Variants in COBL observed in about 807,000 individuals in gnomAD.
COBL encodes the protein protein cordon-bleu.
A neutral mutation model predicts 98.8 loss-of-function variants in COBL; 51 were observed. The ratio of observed to expected loss-of-function variants is 0.52; its 90% confidence interval spans 0.41 to 0.65. COBL has a LOEUF of 0.65. Among genes scored for constraint, COBL ranks in the 30% least tolerant of loss-of-function variants. COBL has a pLI of 0.00. For synonymous variants in COBL, 634 were observed against 651.7 expected, an observed-to-expected ratio of 0.97 and a Z score of 0.41; for missense variants, 1,617 against 1,617.5, an observed-to-expected ratio of 1.00 and a Z score of 0.01.
At chr7:51,290,052 C>T (rs962294211) in intron 1 of COBL, among the ~76,000 whole-genome samples, 1 of 152,144 alleles carries the variant, frequency 6.6e-6, no homozygotes, top group Admixed American at 6.5e-5. Context: ...CAGAAATACC[C>T]CTAAGATGCT....
rs139478122 is a variant in COBL at position 51,313,738 on chromosome 7, C to T, written c.41+2855G>A. ...GGAAATTTAGCCCTGTGTTCTGTAACAGCCGACTACTGGGATGGCTCCTAT... is the reference window on the plus strand; with the variant it reads ...GGAAATTTAGCCCTGTGTTCTGTAATAGCCGACTACTGGGATGGCTCCTAT... On this transcript the variant is annotated intron_variant, in intron 1 of 12. Coordinates refer to ENST00000265136, the MANE Select transcript of COBL (RefSeq NM_015198.5). 5.8e-3 allele frequency among the ~76,000 whole-genome samples: 879 copies of T among 152,330 alleles called. 3 individuals carry two copies. The highest frequency in any genetic ancestry group is 0.02 in the African/African-American group (848 of 41,576).
intron 6 of COBL, among the ~76,000 whole-genome samples, chr7:51,112,479 T>C (rs1796923368): frequency 6.6e-6 from 1 of 152,242 alleles, no homozygotes; most frequent in Admixed American, 6.5e-5. Flanking sequence ...CACTGTTTCC[T>C]TTCTAAGCTC....
intron 1 of COBL, among the ~76,000 whole-genome samples, chr7:51,225,159 C>T (rs147669480): frequency 3.3e-5 from 5 of 152,306 alleles, no homozygotes; most frequent in East Asian, 1.9e-4. Flanking sequence ...AAACAGAAAA[C>T]GCCTGGCTTC....
chr7:51,103,780 A>G (rs527327485), intron 6 of COBL, among the ~76,000 whole-genome samples: 2 of 152,362 alleles, frequency 1.3e-5, no homozygotes, highest in Admixed American at 1.3e-4. Context: ...ATAAAGTGGC[A>G]TCTCATCCAT....
At chr7:51,046,943 T>C (rs1390239106) in intron 7 of COBL, among the ~76,000 whole-genome samples, 2 of 152,188 alleles carry the variant, frequency 1.3e-5, no homozygotes, top group African/African-American at 2.4e-5. Context: ...AGTGGAACTG[T>C]TAACAGTCTT....
rs763896227 is a variant in COBL at position 51,017,328 on chromosome 7, G to A, written c.*223C>T. 31 of 602,176 alleles carry A rather than the reference G, an allele frequency of 5.1e-5. No homozygotes were observed. Among genetic ancestry groups the A allele is most frequent in the Non-Finnish European group, 8.3e-5 (28 of 336,988 alleles). 37.3% of individuals were successfully genotyped at this position (602,176 alleles called of 1,614,324 possible). A position where few individuals can be genotyped will look rare whatever the true frequency, so the allele number is the denominator to read the frequency against. On this transcript the variant is annotated 3_prime_UTR_variant, in exon 13 of 13. Coordinates refer to ENST00000265136, the MANE Select transcript of COBL (RefSeq NM_015198.5). Reference sequence around the variant, plus strand: ...TATTAGCAACTTAAGATATTCAGAGGCAAAACACATTTCCTTGGCACACGA... The same window carrying A: ...TATTAGCAACTTAAGATATTCAGAGACAAAACACATTTCCTTGGCACACGA...
chr7:51,258,683 G>A (rs913754994), intron 1 of COBL, among the ~76,000 whole-genome samples: 2 of 152,144 alleles, frequency 1.3e-5, no homozygotes, highest in African/African-American at 4.8e-5. Context: ...ATTTACTGCA[G>A]TGTGGCACTT....
Position 51,049,650 on chromosome 7 carries a change from T to A in COBL, c.1097-5958A>T, listed in dbSNP as rs531732981. On this transcript the variant is annotated intron_variant, in intron 7 of 12. Transcript: ENST00000265136. Reference sequence around the variant, plus strand: ...ATTAGAGGACACAGGAAAGTGACCATTGGACTGCGTCTGAACACAAGCATG... The same window carrying A: ...ATTAGAGGACACAGGAAAGTGACCAATGGACTGCGTCTGAACACAAGCATG... Among the ~76,000 whole-genome samples, 6 of 152,286 alleles carry A rather than the reference T, an allele frequency of 3.9e-5. 1 individual carries two copies. The South Asian group carries it at 1.0e-3, about 26-fold the overall frequency.
At chr7:51,171,103 C>A (rs1787828439) in intron 5 of COBL, among the ~76,000 whole-genome samples, 1 of 152,112 alleles carries the variant, frequency 6.6e-6, no homozygotes, top group East Asian at 1.9e-4. Context: ...GCCACACCCT[C>A]TTTTCTCCAA....
At chr7:51,046,696 C>G (rs1299411407) in intron 7 of COBL, among the ~76,000 whole-genome samples, 5 of 152,122 alleles carry the variant, frequency 3.3e-5, no homozygotes, top group African/African-American at 1.2e-4. Flanking sequence ...GCTTGGGCTG[C>G]ATCGAGGTTG....
intron 6 of COBL, among the ~76,000 whole-genome samples, chr7:51,094,720 A>G (rs766624898): frequency 6.6e-6 from 1 of 152,174 alleles, no homozygotes; most frequent in Non-Finnish European, 1.5e-5. Context: ...ACAAATACAT[A>G]ATCCTGGAAT....
At chr7:51,278,521 C>G (rs1326118462) in intron 1 of COBL, among the ~76,000 whole-genome samples, 1 of 151,782 alleles carries the variant, frequency 6.6e-6, no homozygotes, top group Admixed American at 6.6e-5. Context: ...GCTGGGATTA[C>G]AGGCGTGTGC....
intron 2 of COBL, among the ~76,000 whole-genome samples, chr7:51,217,918 A>G (rs943326037): frequency 3.9e-5 from 6 of 152,224 alleles, no homozygotes; most frequent in Admixed American, 2.0e-4. Flanking sequence ...AACTGCCGCA[A>G]GAGATAGTGG....
At position 51,123,886 on chromosome 7, in the gene COBL, C is replaced by A. The variant is rs185138247; in HGVS notation, c.957+12272G>T. ...CAGAGCCACAGTCACCCTGCACCCC[C>A]CTCTGCCAAGTGTTACACAACTCTC... On this transcript the variant is annotated intron_variant, in intron 6 of 12. Coordinates refer to ENST00000265136, the MANE Select transcript of COBL (RefSeq NM_015198.5). Among the ~76,000 whole-genome samples the A allele has an allele frequency of 2.0e-5, 3 of 152,182 alleles. No individual in the cohort carries two copies. The East Asian group carries it at 5.8e-4, about 29-fold the overall frequency.
rs148198636 is a variant in COBL at position 51,143,112 on chromosome 7, C to T, written c.784-6781G>A. Among the ~76,000 whole-genome samples the T allele has an allele frequency of 5.7e-4, 87 of 152,256 alleles. No individual in the cohort carries two copies. In the East Asian group the frequency reaches 0.012, roughly 21 times the overall value. ...TAAGTCATAATGTGCAGCATAGTGA[C>T]TGACCAGAATTAAAAAGCAAGGAGT... On this transcript the variant is annotated intron_variant, in intron 5 of 12. Transcript: ENST00000265136.
chr7:51,311,302 A>C (rs1803015461), intron 1 of COBL, among the ~76,000 whole-genome samples: 1 of 152,222 alleles, frequency 6.6e-6, no homozygotes, highest in Admixed American at 6.5e-5. Flanking sequence ...CCAAGAGGCC[A>C]CAGGGTTTCT....
At chr7:51,229,130 C>T (rs1049042618) in intron 1 of COBL, among the ~76,000 whole-genome samples, 3 of 152,292 alleles carry the variant, frequency 2.0e-5, no homozygotes, top group South Asian at 2.1e-4. Context: ...CAGGAGCTAA[C>T]GGACAGAAAC....
intron 7 of COBL, among the ~76,000 whole-genome samples, chr7:51,059,230 T>C (rs2128908043): frequency 6.6e-6 from 1 of 152,374 alleles, no homozygotes; most frequent in Non-Finnish European, 1.5e-5. Flanking sequence ...TTAATATTAG[T>C]AGTGTTTGGT....
intron 1 of COBL, among the ~76,000 whole-genome samples, chr7:51,316,142 C>A (rs958524352): frequency 1.2e-4 from 18 of 152,150 alleles, no homozygotes; most frequent in Non-Finnish European, 2.6e-4. Context: ...GCCGCCGAGG[C>A]CGGGAGAGGG....
Sources: gnomAD v4.1 joint callset for allele counts (sites outside exome capture counted in the v4.1 genomes callset) on GRCh38, gnomAD v4.1.1 for gene constraint, MANE v1.5 for transcripts, NCBI Gene and HGNC (gene_info 2026-07-23, HGNC 2026-07-21) for gene names.